The following GRIA4 variants were observed in gnomAD, a reference collection of about 807,000 sequenced individuals.
GRIA4 encodes the protein glutamate ionotropic receptor AMPA type subunit 4.
Under a neutral mutation model 104.0 loss-of-function variants are expected in GRIA4, and 34 were observed. The observed-to-expected ratio is 0.33, with a 90% CI of 0.25 to 0.44. The LOEUF is 0.44. Ranked by LOEUF, GRIA4 falls within the 20% of genes least tolerant of loss-of-function variation. GRIA4 has a pLI of 1.00. For missense variants in GRIA4, 750 were observed against 1,096.5 expected (o/e 0.68, Z 4.46); for synonymous variants, 386 against 381.9 (o/e 1.01, Z -0.13).
At chr11:105,827,759 G>A (rs1311499963) in intron 4 of GRIA4, among the ~76,000 whole-genome samples, 2 of 152,072 alleles carry the variant, frequency 1.3e-5, no homozygotes, top group South Asian at 2.1e-4. Context: ...ATACCAAATA[G>A]GGAAAATATG....
chr11:105,929,055 A>G (rs1206779090), intron 13 of GRIA4, among the ~76,000 whole-genome samples: 1 of 152,084 alleles, frequency 6.6e-6, no homozygotes, highest in Non-Finnish European at 1.5e-5. Flanking sequence ...CTAATGGGAC[A>G]AGAAAATAAT....
At chr11:105,762,993 G>C (rs925012632) in intron 4 of GRIA4, among the ~76,000 whole-genome samples, 5 of 152,192 alleles carry the variant, frequency 3.3e-5, no homozygotes, top group African/African-American at 7.2e-5. Flanking sequence ...TGAGATTGTT[G>C]AATCATATTG....
rs575153026 is a variant in GRIA4, at chr11:105,906,095, T to A, written c.1158+794T>A. Reference sequence around the variant, plus strand: ...TGTATTTGGCTGTTTAAAAAAAAAATTTCCAAAATATATTTTCATGTTTTT... The same window carrying A: ...TGTATTTGGCTGTTTAAAAAAAAAAATTCCAAAATATATTTTCATGTTTTT... On this transcript the variant is annotated intron_variant, in intron 9 of 16. Coordinates refer to ENST00000282499, the MANE Select transcript of GRIA4 (RefSeq NM_000829.4). Among the ~76,000 whole-genome samples, 637 of 152,226 alleles carry A rather than the reference T, an allele frequency of 4.2e-3. 5 individuals carry two copies. Among genetic ancestry groups the A allele is most frequent in the African/African-American group, 0.014 (578 of 41,530 alleles).
At chr11:105,943,712 C>A (rs1948236840) in intron 14 of GRIA4, among the ~76,000 whole-genome samples, 1 of 152,056 alleles carries the variant, frequency 6.6e-6, no homozygotes, top group Non-Finnish European at 1.5e-5. Context: ...ATTCCCAGAT[C>A]ATTTCTAAAT....
intron 4 of GRIA4, among the ~76,000 whole-genome samples, chr11:105,803,612 A>G (rs1370309047): frequency 6.6e-6 from 1 of 151,928 alleles, no homozygotes; most frequent in Non-Finnish European, 1.5e-5. Flanking sequence ...AATATTTTAG[A>G]TCAATGTTCA....
chr11:105,910,342 G>T, intron 9 of GRIA4, 93 bp from the exon 10 acceptor site: 182 of 584,562 alleles, frequency 3.1e-4, no homozygotes, highest in South Asian at 7.1e-4. Flanking sequence ...CATTTGTTTT[G>T]TTTGCTTACC....
chr11:105,834,960 A>C (rs147286586), intron 4 of GRIA4, among the ~76,000 whole-genome samples: 95 of 152,192 alleles, frequency 6.2e-4, no homozygotes, highest in African/African-American at 1.9e-3. Flanking sequence ...GTTTCAATCA[A>C]TATATGTATA....
intron 5 of GRIA4, among the ~76,000 whole-genome samples, chr11:105,867,962 A>C (rs1945488254): frequency 6.6e-6 from 1 of 152,192 alleles, no homozygotes; most frequent in Admixed American, 6.6e-5. Flanking sequence ...ACATTGTTCC[A>C]GGCACTGCAA....
chr11:105,664,356 G>A (rs542551867), intron 3 of GRIA4, among the ~76,000 whole-genome samples: 2 of 150,778 alleles, frequency 1.3e-5, no homozygotes, highest in East Asian at 3.9e-4. Context: ...ACCAGCAGTA[G>A]GACAGAGTAG....
intron 3 of GRIA4, among the ~76,000 whole-genome samples, chr11:105,624,631 T>C (rs1482677563): frequency 6.6e-6 from 1 of 152,140 alleles, no homozygotes; most frequent in African/African-American, 2.4e-5. Flanking sequence ...TAACTATGTA[T>C]ACAGTCTTAC....
chr11:105,891,142 T>G (rs1946439753), intron 6 of GRIA4, among the ~76,000 whole-genome samples: 1 of 152,174 alleles, frequency 6.6e-6, no homozygotes, highest in Non-Finnish European at 1.5e-5. Flanking sequence ...TTCTTTCATT[T>G]AGCTGCCAGT....
intron 3 of GRIA4, among the ~76,000 whole-genome samples, chr11:105,668,545 CT>C (rs1440825821): frequency 5.3e-5 from 8 of 151,256 alleles, no homozygotes; most frequent in African/African-American, 1.9e-4. Flanking sequence ...TAGGGTAGTT[CT>C]ATTTTTAAAT....
chr11:105,762,049 A>G (rs1273542196), intron 4 of GRIA4, among the ~76,000 whole-genome samples: 2 of 147,234 alleles, frequency 1.4e-5, no homozygotes, highest in African/African-American at 5.0e-5. Context: ...TTTGAGACGG[A>G]GTCTCACTCT....
In GRIA4 at chr11:105,912,665, TTATA is replaced by T. The variant is rs1237235834; in HGVS notation, c.1269+2123_1269+2126del. The T allele has an allele frequency of 1.2e-5, 10 of 807,192 alleles. No individual in the cohort carries two copies. In the South Asian group the frequency reaches 2.3e-4, roughly 18 times the overall value. 50.0% of individuals were successfully genotyped at this position (807,192 alleles called of 1,614,324 possible). On this transcript the variant is annotated intron_variant, in intron 10 of 16. Transcript: ENST00000282499. ...ATCTTTTTGTATGAAAATGTAATCT[TTATA>T]TAAATAATACCTCTGATATTTGCAA...
intron 3 of GRIA4, among the ~76,000 whole-genome samples, chr11:105,747,884 C>T (rs528181576): frequency 3.3e-5 from 5 of 152,078 alleles, no homozygotes; most frequent in Admixed American, 1.3e-4. Flanking sequence ...AACCAAAATG[C>T]TCAATATTAA....
intron 3 of GRIA4, among the ~76,000 whole-genome samples, chr11:105,659,919 G>A (rs1258133928): frequency 6.6e-6 from 1 of 151,342 alleles, no homozygotes; most frequent in Non-Finnish European, 1.5e-5. Flanking sequence ...ATCAAACAAG[G>A]TCATGATAAT....
At chr11:105,630,389 C>A (rs1951002784) in intron 3 of GRIA4, among the ~76,000 whole-genome samples, 1 of 151,924 alleles carries the variant, frequency 6.6e-6, no homozygotes, top group African/African-American at 2.4e-5. Context: ...CATGGTGAGA[C>A]CCCGTCTCTA....
In GRIA4 at chr11:105,869,184, A is replaced by G. The variant is rs1473638482; in HGVS notation, c.672+6976A>G. ...AGGCAAAGTGAAGGAGCCAAAGGAT[A>G]TAAGTTTTTTCAAGGAAGAAGAAAA... On this transcript the variant is annotated intron_variant, in intron 5 of 16. Coordinates refer to ENST00000282499, the MANE Select transcript of GRIA4 (RefSeq NM_000829.4). 2.6e-5 allele frequency among the ~76,000 whole-genome samples: 4 copies of G among 152,156 alleles called. No homozygotes were observed. The East Asian group carries it at 7.7e-4, about 29-fold the overall frequency.
intron 4 of GRIA4, among the ~76,000 whole-genome samples, chr11:105,753,873 G>A (rs1251122407): frequency 2.0e-5 from 3 of 152,176 alleles, no homozygotes; most frequent in African/African-American, 7.2e-5. Context: ...GATGGGAAGA[G>A]GTGTGGGGAA....
Sources: allele counts gnomAD v4.1 joint callset (sites outside exome capture counted in the v4.1 genomes callset), GRCh38; gene constraint gnomAD v4.1.1; transcripts MANE v1.5; gene names NCBI Gene and HGNC (gene_info 2026-07-23, HGNC 2026-07-21).